SBF2: variants seen among roughly 807,000 people sequenced by gnomAD.
SBF2 encodes SET binding factor 2, also known as myotubularin-related protein 13.
Under a neutral mutation model 225.2 loss-of-function variants are expected in SBF2, and 112 were observed. The observed-to-expected ratio is 0.50, with a 90% confidence interval of 0.43 to 0.58. The LOEUF (loss-of-function observed/expected upper bound fraction) is 0.58. Among genes scored for constraint, SBF2 ranks in the 20% least tolerant of loss-of-function variants. The pLI is 0.00. For missense variants in SBF2, 1,996 were observed against 2,206.2 expected (o/e 0.90, Z 1.91); for synonymous variants, 763 against 773.3 (o/e 0.99, Z 0.22).
At chr11:9,818,314 C>G (rs1030467630) in intron 28 of SBF2, among the ~76,000 whole-genome samples, 2 of 152,138 alleles carry the variant, frequency 1.3e-5, no homozygotes, top group Non-Finnish European at 2.9e-5. Context: ...ATAAGATGAC[C>G]TTAGTTATAT....
chr11:10,141,317 G>C (rs1185513048), intron 2 of SBF2, among the ~76,000 whole-genome samples: 1 of 152,152 alleles, frequency 6.6e-6, no homozygotes, highest in Non-Finnish European at 1.5e-5. Flanking sequence ...AATAGCTAAA[G>C]AAACATCAAA....
At chr11:9,869,526 C>T (rs1026668361) in intron 17 of SBF2, among the ~76,000 whole-genome samples, 1 of 152,020 alleles carries the variant, frequency 6.6e-6, no homozygotes, top group Admixed American at 6.6e-5. Flanking sequence ...GCCATGTTGG[C>T]CAGGCTAGTC....
At chr11:10,089,116 T>C (rs556120985) in intron 2 of SBF2, among the ~76,000 whole-genome samples, 112 of 152,312 alleles carry the variant, frequency 7.4e-4, no homozygotes, top group Middle Eastern at 3.4e-3. Context: ...CACTGCATAG[T>C]GGCGAAGTCT....
intron 1 of SBF2, among the ~76,000 whole-genome samples, chr11:10,253,923 T>A (rs1488504778): frequency 6.6e-6 from 1 of 152,000 alleles, no homozygotes; most frequent in African/African-American, 2.4e-5. Flanking sequence ...AAATGCAAAT[T>A]AAAACCACAG....
intron 31 of SBF2, 25 bp downstream of exon 31, chr11:9,808,876 T>C (rs1367698032): frequency 2.7e-6 from 4 of 1,496,184 alleles, no homozygotes; most frequent in Non-Finnish European, 3.7e-6. Context: ...ATATAAAATA[T>C]CAAAAAATAT....
chr11:10,230,873 G>C (rs1482223038), intron 1 of SBF2, among the ~76,000 whole-genome samples: 1 of 152,164 alleles, frequency 6.6e-6, no homozygotes, highest in Non-Finnish European at 1.5e-5. Flanking sequence ...CTAGATTGGG[G>C]AAGTTCTCCT....
In SBF2 at chr11:10,254,498, C is replaced by T. The variant is rs1332568939; in HGVS notation, c.55+39517G>A. Among the ~76,000 whole-genome samples, 10 of 151,646 alleles carry T rather than the reference C, an allele frequency of 6.6e-5. No individual in the cohort carries two copies. In the East Asian group the frequency reaches 1.7e-3, roughly 26 times the overall value. On this transcript the variant is annotated intron_variant, in intron 1 of 39. Coordinates refer to ENST00000256190, the MANE Select transcript of SBF2 (RefSeq NM_030962.4). ...GATATATGTGCTCACATGTTCATTGCAGCATTATTCACAGTAGTCAAAGAT... is the reference window on the plus strand; with the variant it reads ...GATATATGTGCTCACATGTTCATTGTAGCATTATTCACAGTAGTCAAAGAT...
At chr11:9,947,316 G>A (rs954325574) in intron 16 of SBF2, among the ~76,000 whole-genome samples, 16 of 152,218 alleles carry the variant, frequency 1.1e-4, no homozygotes, top group Middle Eastern at 3.4e-3. Flanking sequence ...TCAGGTAAGG[G>A]AACAGAAAAA....
chr11:10,256,558 C>T (rs777787858), intron 1 of SBF2, among the ~76,000 whole-genome samples: 3 of 152,158 alleles, frequency 2.0e-5, no homozygotes, highest in African/African-American at 4.8e-5. Flanking sequence ...CCCTTGAAGC[C>T]GCATTAGTCA....
intron 1 of SBF2, among the ~76,000 whole-genome samples, chr11:10,223,712 T>G (rs1242237692): frequency 6.6e-6 from 1 of 151,926 alleles, no homozygotes; most frequent in Non-Finnish European, 1.5e-5. Context: ...GCACTGTGTA[T>G]GAGTCCCATA....
At chr11:9,962,947 T>C (rs1273180000) in intron 15 of SBF2, among the ~76,000 whole-genome samples, 1 of 152,116 alleles carries the variant, frequency 6.6e-6, no homozygotes, top group East Asian at 1.9e-4. Flanking sequence ...GGTCAGTCAG[T>C]GTAAAGGTAA....
At chr11:9,917,340 TTTTTG>T in intron 16 of SBF2, among the ~76,000 whole-genome samples, 1 of 151,810 alleles carries the variant, frequency 6.6e-6, no homozygotes, top group Middle Eastern at 3.4e-3. Context: ...TTTGTTTTTG[TTTTTG>T]TTTTGAGACA....
chr11:10,130,321 C>A (rs1174705925), intron 2 of SBF2, among the ~76,000 whole-genome samples: 1 of 151,712 alleles, frequency 6.6e-6, no homozygotes, highest in African/African-American at 2.4e-5. Flanking sequence ...GAGATCGCAC[C>A]ACTGTACTCC....
At chr11:9,805,790 T>A (rs1340172529) in intron 32 of SBF2, among the ~76,000 whole-genome samples, 1 of 152,006 alleles carries the variant, frequency 6.6e-6, no homozygotes, top group Non-Finnish European at 1.5e-5. Context: ...GTCTGGCTGA[T>A]TTTTTGTATT....
In SBF2 at chr11:9,785,313, T is replaced by C. The variant is rs779654145; in HGVS notation, c.5043A>G (p.Gln1681=). The C allele has an allele frequency of 8.1e-6, 13 of 1,614,008 alleles. No homozygotes were observed. The Middle Eastern group carries it at 9.9e-4, about 123-fold the overall frequency. ...TTCCTGGGGATCTCGACAGGTGTCT[T>C]TGGGACTGAAAAAGACAGGACAGGA... The part of the protein sequence containing the change: ...LKEEPRTDRS[Q]RHLSRSPGIV... Residue 1681 remains glutamine (Q), a synonymous_variant, in exon 37 of 40, where the codon CAA becomes CAG. Coordinates refer to ENST00000256190, the MANE Select transcript of SBF2 (RefSeq NM_030962.4).
chr11:10,161,122 T>C (rs1425110741), intron 2 of SBF2, among the ~76,000 whole-genome samples: 2 of 149,900 alleles, frequency 1.3e-5, no homozygotes, highest in Non-Finnish European at 3.0e-5. Flanking sequence ...GAGACAGAGT[T>C]TGCAGTGAGC....
chr11:10,070,508 A>G (rs1451629514), intron 2 of SBF2, among the ~76,000 whole-genome samples: 1 of 152,090 alleles, frequency 6.6e-6, no homozygotes, highest in South Asian at 2.1e-4. Flanking sequence ...GTTCTGTTCC[A>G]TTGGTGTATA....
intron 17 of SBF2, among the ~76,000 whole-genome samples, chr11:9,880,593 G>T (rs916040626): frequency 6.6e-6 from 1 of 152,166 alleles, no homozygotes; most frequent in Non-Finnish European, 1.5e-5. Flanking sequence ...CTACTAAGTG[G>T]CCTCTGTTGC....
intron 1 of SBF2, among the ~76,000 whole-genome samples, chr11:10,272,748 G>C (rs1962604003): frequency 6.6e-6 from 1 of 151,070 alleles, no homozygotes; most frequent in African/African-American, 2.4e-5. Context: ...CTGGGCAACA[G>C]AGCCAGACCT....
Sources: allele counts gnomAD v4.1 joint callset (sites outside exome capture counted in the v4.1 genomes callset), GRCh38; gene constraint gnomAD v4.1.1; transcripts MANE v1.5; gene names NCBI Gene and HGNC (gene_info 2026-07-23, HGNC 2026-07-21).